The following CYP11B1 variants were observed in gnomAD, a reference collection of about 807,000 sequenced individuals.
CYP11B1 encodes the protein cytochrome P450 11B1, mitochondrial.
In CYP11B1, 34 loss-of-function variants were observed where a neutral mutation model predicts 48.3. The observed-to-expected ratio is 0.70, with a 90% CI of 0.54 to 0.94. The LOEUF (loss-of-function observed/expected upper bound fraction) is 0.94. Ranked by LOEUF, CYP11B1 falls within the 40% of genes least tolerant of loss-of-function variation. The pLI, the probability that CYP11B1 is intolerant of heterozygous loss-of-function variation, is 0.00. For synonymous variants in CYP11B1, 291 were observed against 262.5 expected (o/e 1.11, Z -1.05); for missense variants, 688 against 657.4 (o/e 1.05, Z -0.51).
rs758580553 is a variant in CYP11B1 at position 142,876,227 on chromosome 8, G to A, written c.954+14C>T. The A allele has an allele frequency of 3.1e-6, 5 of 1,614,136 alleles. No homozygotes were observed. In the South Asian group the frequency reaches 4.4e-5, roughly 14 times the overall value. On this transcript the variant is annotated intron_variant, in intron 5 of 8. Transcript: ENST00000292427. ...GCATCACCCTCTCTGGGTGGGGCTG[G>A]TTGCCGGCCTGACCGTGTCCACGCT...
In CYP11B1 at chr8:142,879,045, C is replaced by T; in HGVS notation, c.382G>A (p.Gly128Ser). The T allele has an allele frequency of 1.9e-6, 3 of 1,614,210 alleles. No individual in the cohort carries two copies. The highest frequency in any genetic ancestry group is 2.5e-6 in the Non-Finnish European group (3 of 1,180,036). Residue 128 changes from glycine (G) to serine (S), a missense_variant, in exon 2 of 9, where the codon GGC becomes AGC. Physicochemically the swap from Gly to Ser is moderately conservative, Grantham distance 56. Coordinates refer to ENST00000292427, the MANE Select transcript of CYP11B1 (RefSeq NM_000497.4). ...AYRQHRGHKC[G>S]VFLLNGPEWR... Reference sequence around the variant, plus strand: ...CTCGCCGCTTACAGCAAGAACACGCCACATTTGTGCCCACGATGTTGTCTG... The same window carrying T: ...CTCGCCGCTTACAGCAAGAACACGCTACATTTGTGCCCACGATGTTGTCTG...
chr8:142,875,185 A>G, intron 7 of CYP11B1, 31 bp from the exon 8 acceptor site: 1 of 1,614,186 alleles, frequency 6.2e-7, no homozygotes. Flanking sequence ...GGATCAGGGA[A>G]TGACTGGGGA....
intron 6 of CYP11B1, 50 bp from the exon 7 acceptor site, chr8:142,875,362 C>T: frequency 6.5e-7 from 1 of 1,548,440 alleles, no homozygotes; most frequent in Non-Finnish European, 8.8e-7. Flanking sequence ...ATGGGGCTTC[C>T]TGTGCTCTCT....
chr8:142,874,091 G>T lies in CYP11B1; in HGVS notation c.*282C>A, dbSNP rs550053437. ...GAGGAGCCTGGAGCCAGCACTGGGAGGGATGGGGGCAAACTGCCCAGAGGA... is the reference window on the plus strand; with the variant it reads ...GAGGAGCCTGGAGCCAGCACTGGGATGGATGGGGGCAAACTGCCCAGAGGA... On this transcript the variant is annotated 3_prime_UTR_variant, in exon 9 of 9. Coordinates refer to ENST00000292427, the MANE Select transcript of CYP11B1 (RefSeq NM_000497.4). The T allele has an allele frequency of 5.7e-5, 29 of 508,078 alleles. No individual in the cohort carries two copies. The highest frequency in any genetic ancestry group is 5.4e-4 in the African/African-American group (28 of 51,852). 31.5% of individuals were successfully genotyped at this position (508,078 alleles called of 1,614,324 possible).
chr8:142,875,316 G>A lies in CYP11B1; in HGVS notation c.1122-4C>T. 2.5e-6 allele frequency: 4 copies of A among 1,612,174 alleles called. No individual in the cohort carries two copies. Among genetic ancestry groups the A allele is most frequent in the Non-Finnish European group, 3.4e-6 (4 of 1,179,740 alleles). On this transcript the variant is annotated splice_polypyrimidine_tract_variant and splice_region_variant and intron_variant, in intron 6 of 8. Transcript: ENST00000292427. The stretch of plus-strand genomic sequence containing the variant: ...AAACAGACCCACAGGGTAGAGCCTG[G>A]AGGTGGGGGCATCCATAGAAAGGGT...
In CYP11B1 at chr8:142,875,138, A is replaced by G; in HGVS notation, c.1217T>C (p.Phe406Ser). 1 of 1,614,244 alleles carries G rather than the reference A, an allele frequency of 6.2e-7. No individual in the cohort carries two copies. Among genetic ancestry groups the G allele is most frequent in the South Asian group, 1.1e-5 (1 of 91,086 alleles). The stretch of plus-strand genomic sequence containing the variant: ...GGGGTTGCGACCCAGAGAGTAGAGG[A>G]ACACGCGCACCAATGTCTGCGGACG... ...HIPAGTLVRV[F>S]LYSLGRNPAL... The change falls in exon 8 of 9, where the codon TTC becomes TCC. Residue 406 changes from phenylalanine to serine, a missense_variant. By Grantham distance (155) the Phe-to-Ser change is radical. Transcript: ENST00000292427.
chr8:142,878,636 C>T (rs1485007861), intron 2 of CYP11B1, among the ~76,000 whole-genome samples: 7 of 152,204 alleles, frequency 4.6e-5, no homozygotes, highest in African/African-American at 9.7e-5. Context: ...GCGGCCCCGG[C>T]GAACACCAGG....
intron 2 of CYP11B1, chr8:142,877,751 C>A (rs1419648140): frequency 6.3e-7 from 1 of 1,597,720 alleles, no homozygotes; most frequent in South Asian, 1.1e-5. Context: ...TTCATGCCAT[C>A]CTCACCTACA....
chr8:142,876,195 A>G lies in CYP11B1; in HGVS notation c.954+46T>C, dbSNP rs1194125535. On this transcript the variant is annotated intron_variant, in intron 5 of 8. Transcript: ENST00000292427. ...CATTGGCAGGCAGTGCCTGGGAGGCAGGCTTGGCATCACCCTCTCTGGGTG... is the reference window on the plus strand; with the variant it reads ...CATTGGCAGGCAGTGCCTGGGAGGCGGGCTTGGCATCACCCTCTCTGGGTG... The G allele has an allele frequency of 2.5e-6, 4 of 1,613,552 alleles. No homozygotes were observed. In the South Asian group the frequency reaches 3.3e-5, roughly 13 times the overall value.
chr8:142,876,174 G>A, intron 5 of CYP11B1, 67 bp downstream of exon 5: 3 of 1,606,194 alleles, frequency 1.9e-6, no homozygotes, highest in Non-Finnish European at 2.6e-6. Flanking sequence ...GTGTGACATT[G>A]GCAGGCAGTG....
chr8:142,877,416 C>A (rs1320744144), intron 2 of CYP11B1, among the ~76,000 whole-genome samples, 194 bp from the exon 3 acceptor site: 1 of 152,232 alleles, frequency 6.6e-6, no homozygotes, highest in Non-Finnish European at 1.5e-5. Flanking sequence ...AAAGGCCACT[C>A]AGGTCTAAGC....
intron 2 of CYP11B1, 59 bp from the exon 3 acceptor site, chr8:142,877,281 G>A (rs566959856): frequency 1.7e-4 from 254 of 1,468,062 alleles, no homozygotes; most frequent in Non-Finnish European, 2.1e-4. Flanking sequence ...GCCCTGACCC[G>A]TATCCCATCC....
rs374343296 is a variant in CYP11B1, at chr8:142,875,753, G to A, written c.1080C>T (p.Thr360=). 5.0e-6 allele frequency: 8 copies of A among 1,613,968 alleles called. No individual in the cohort carries two copies. In the African/African-American group the frequency reaches 5.3e-5, roughly 11 times the overall value. ...SISEHPQKAT[T]ELPLLRAALK... is the part of the protein sequence containing the mutation. Reference sequence around the variant, plus strand: ...GGGCCGCACGCAGCAAGGGCAGCTCGGTGGTTGCCTTCTGGGGATGTTCAC... The same window carrying A: ...GGGCCGCACGCAGCAAGGGCAGCTCAGTGGTTGCCTTCTGGGGATGTTCAC... The change falls in exon 6 of 9, where the codon ACC becomes ACT. Residue 360 remains threonine, a synonymous_variant. Coordinates refer to ENST00000292427, the MANE Select transcript of CYP11B1 (RefSeq NM_000497.4).
rs1816863855 is a variant in CYP11B1 at position 142,874,205 on chromosome 8, T to C, written c.*168A>G. ...TGTGCCCTGGCATTGCTGCTTAGCC[T>C]GGCAAACCCTGGTCCTAGAGGCCCT... is the stretch of plus-strand genomic sequence containing the variant. On this transcript the variant is annotated 3_prime_UTR_variant, in exon 9 of 9. Coordinates refer to ENST00000292427, the MANE Select transcript of CYP11B1 (RefSeq NM_000497.4). 1 of 660,844 alleles carries C rather than the reference T, an allele frequency of 1.5e-6. No individual in the cohort carries two copies. Among genetic ancestry groups the C allele is most frequent in the Admixed American group, 2.2e-5 (1 of 45,700 alleles). 40.9% of individuals were successfully genotyped at this position (660,844 alleles called of 1,614,324 possible).
rs993145339 is a variant in CYP11B1, at chr8:142,877,306, G to A, written c.396-84C>T. ...GTATCCCATCCTCCTTGTCCCCAAG[G>A]GGAATCGGCCTGCAGGGAGCTGACT... On this transcript the variant is annotated intron_variant, in intron 2 of 8. Transcript: ENST00000292427. 2.2e-5 allele frequency: 30 copies of A among 1,334,260 alleles called. No homozygotes were observed. In the African/African-American group the frequency reaches 3.9e-4, roughly 17 times the overall value. 82.7% of individuals were successfully genotyped at this position (1,334,260 alleles called of 1,614,324 possible). A position where few individuals can be genotyped will look rare whatever the true frequency, so the allele number is the denominator to read the frequency against.
In CYP11B1 at chr8:142,874,346, G is replaced by A. The variant is rs1265719178; in HGVS notation, c.*27C>T. The A allele has an allele frequency of 1.3e-6, 2 of 1,545,282 alleles. No individual in the cohort carries two copies. The highest frequency in any genetic ancestry group is 3.3e-5 in the Admixed American group (2 of 59,926). ...GGCAGAAAGGGAGGCTGGTGGCCAG[G>A]CTGGGACCCTGGGTGCAGAGACGTG... On this transcript the variant is annotated 3_prime_UTR_variant, in exon 9 of 9. Coordinates refer to ENST00000292427, the MANE Select transcript of CYP11B1 (RefSeq NM_000497.4).
intron 2 of CYP11B1, among the ~76,000 whole-genome samples, chr8:142,878,177 A>C (rs558558225): frequency 6.6e-6 from 1 of 152,112 alleles, no homozygotes; most frequent in African/African-American, 2.4e-5. Context: ...TCCTTCCGTT[A>C]TGTGCACCCA....
At chr8:142,875,447 C>T in intron 6 of CYP11B1, 135 bp from the exon 7 acceptor site, 2 of 1,262,344 alleles carry the variant, frequency 1.6e-6, no homozygotes, top group Non-Finnish European at 1.1e-6. Context: ...TGCTTCCTTG[C>T]ACCTGCTGAG....
Position 142,875,243 on chromosome 8 carries a change from G to A in CYP11B1, c.1191C>T (p.Ile397=). 3 of 1,614,070 alleles carry A rather than the reference G, an allele frequency of 1.9e-6. No individual in the cohort carries two copies. The highest frequency in any genetic ancestry group is 2.5e-6 in the Non-Finnish European group (3 of 1,180,004). ...TGTGGGGCTCACTCACCCCAGCTGG[G>A]ATGTGGTAGTTCTGAAGCACCAAGT... ...SSDLVLQNYH[I]PAGTLVRVFL... is the part of the protein sequence containing the mutation. The change falls in exon 7 of 9, where the codon ATC becomes ATT. Residue 397 remains isoleucine, a synonymous_variant. Transcript: ENST00000292427.
Sources: gnomAD v4.1 joint callset for allele counts (sites outside exome capture counted in the v4.1 genomes callset) on GRCh38, gnomAD v4.1.1 for gene constraint, MANE v1.5 for transcripts, NCBI Gene and HGNC (gene_info 2026-07-23, HGNC 2026-07-21) for gene names.